PREX2: variants seen among roughly 807,000 people sequenced by gnomAD.
PREX2 encodes phosphatidylinositol-3,4,5-trisphosphate dependent Rac exchange factor 2.
PREX2 carries 107 observed loss-of-function variants against 203.2 expected under a neutral mutation model. That is an observed-to-expected ratio of 0.53 (90% CI 0.45 to 0.62). The LOEUF (loss-of-function observed/expected upper bound fraction) is 0.62, where lower values mean the gene tolerates loss of function less well. Among genes scored for constraint, PREX2 ranks in the 20% least tolerant of loss-of-function variants. The pLI is 0.00. For missense variants in PREX2, 1,777 were observed against 1,955.9 expected, an observed-to-expected ratio of 0.91 and a Z score of 1.72; for synonymous variants, 672 against 663.6, an observed-to-expected ratio of 1.01 and a Z score of -0.19.
chr8:67,961,944 G>T lies in PREX2; in HGVS notation c.141+9409G>T, dbSNP rs899820479. 2.0e-5 allele frequency among the ~76,000 whole-genome samples: 3 copies of T among 152,072 alleles called. No homozygotes were observed. In the South Asian group the frequency reaches 6.2e-4, roughly 32 times the overall value. ...AGCCCTTCATTTGAAAGGTTAAATT[G>T]TATAGTACTTAAGAAATGACTCCAT... On this transcript the variant is annotated intron_variant, in intron 1 of 39. Transcript: ENST00000288368.
At chr8:68,016,507 A>G (rs779719892) in intron 1 of PREX2, among the ~76,000 whole-genome samples, 1 of 151,904 alleles carries the variant, frequency 6.6e-6, no homozygotes, top group Admixed American at 6.6e-5. Context: ...ATTGTTTCCA[A>G]TTTTTCCATT....
At chr8:68,158,037 C>T (rs943785507) in intron 35 of PREX2, among the ~76,000 whole-genome samples, 5 of 149,702 alleles carry the variant, frequency 3.3e-5, no homozygotes, top group Non-Finnish European at 5.9e-5. Context: ...TATTTGTCAA[C>T]AAATTATTAG....
intron 8 of PREX2, among the ~76,000 whole-genome samples, chr8:68,051,437 G>GA (rs1023143743): frequency 1.3e-5 from 2 of 152,074 alleles, no homozygotes; most frequent in Non-Finnish European, 1.5e-5. Context: ...AAGACAGCCT[G>GA]AAAAAAAGCT....
chr8:68,081,208 AG>A (rs1198704236), intron 17 of PREX2, among the ~76,000 whole-genome samples: 1 of 152,152 alleles, frequency 6.6e-6, no homozygotes, highest in Non-Finnish European at 1.5e-5. Context: ...GAGTGTCATA[AG>A]GTATGGTCAA....
intron 4 of PREX2, among the ~76,000 whole-genome samples, chr8:68,025,085 C>G (rs139170477): frequency 1.8e-4 from 28 of 152,010 alleles, no homozygotes; most frequent in African/African-American, 6.3e-4. Context: ...TTTACCATCT[C>G]TGGTGCTCTT....
chr8:68,160,143 T>A (rs985511218), intron 35 of PREX2, among the ~76,000 whole-genome samples: 1 of 152,168 alleles, frequency 6.6e-6, no homozygotes. Flanking sequence ...TCAGTTAGAA[T>A]CCTGGAAGTT....
intron 37 of PREX2, among the ~76,000 whole-genome samples, chr8:68,211,201 T>A (rs1812736072): frequency 6.6e-6 from 1 of 152,168 alleles, no homozygotes; most frequent in Admixed American, 6.5e-5. Context: ...TCACAAAGAA[T>A]GTTATCAGCA....
At chr8:68,046,048 T>A (rs1353693460) in intron 8 of PREX2, among the ~76,000 whole-genome samples, 1 of 152,024 alleles carries the variant, frequency 6.6e-6, no homozygotes, top group African/African-American at 2.4e-5. Flanking sequence ...CACTAAAAAC[T>A]TCTACTCTGT....
chr8:68,178,957 TAA>T (rs1373187268), intron 35 of PREX2, among the ~76,000 whole-genome samples: 2 of 152,170 alleles, frequency 1.3e-5, no homozygotes, highest in Non-Finnish European at 2.9e-5. Flanking sequence ...AAAGTCTGAT[TAA>T]AAATTAAAAT....
rs1811575121 is a variant in PREX2, at chr8:68,158,007, G to C, written c.4346+571G>C. ...TTAACCACAGTAAGTGAAAAGAAAT[G>C]TGTTATAATTCAAAAGCTTTATTTG... On this transcript the variant is annotated intron_variant, in intron 35 of 39. Transcript: ENST00000288368. Among the ~76,000 whole-genome samples the C allele has an allele frequency of 2.0e-5, 3 of 151,338 alleles. No individual in the cohort carries two copies. In the South Asian group the frequency reaches 6.2e-4, roughly 31 times the overall value.
chr8:68,110,259 A>G (rs1278180273), intron 25 of PREX2, among the ~76,000 whole-genome samples: 1 of 152,160 alleles, frequency 6.6e-6, no homozygotes, highest in Non-Finnish European at 1.5e-5. Context: ...GCTTGGTAGG[A>G]TGGTTTGTCA....
Position 68,217,737 on chromosome 8 carries a change from T to C in PREX2, c.4707+19T>C. Reference sequence around the variant, plus strand: ...GAAGCAGGTAGGTCTCATGCAGACTTGGGAATAGTTGTTTTGTAGGCCCTG... The same window carrying C: ...GAAGCAGGTAGGTCTCATGCAGACTCGGGAATAGTTGTTTTGTAGGCCCTG... On this transcript the variant is annotated intron_variant, in intron 38 of 39. Transcript: ENST00000288368. The C allele has an allele frequency of 6.4e-7, 1 of 1,566,856 alleles. No individual in the cohort carries two copies. The highest frequency in any genetic ancestry group is 1.1e-5 in the South Asian group (1 of 89,484).
chr8:68,228,498 C>T (rs984991309), intron 39 of PREX2, among the ~76,000 whole-genome samples: 28 of 152,062 alleles, frequency 1.8e-4, no homozygotes, highest in Admixed American at 1.6e-3. Context: ...TGCATAGGCT[C>T]ACGCCTGCAA....
chr8:67,952,664 G>A (rs1462312185), intron 1 of PREX2, 129 bp downstream of exon 1: 2 of 1,298,806 alleles, frequency 1.5e-6, no homozygotes, highest in Non-Finnish European at 2.2e-6. Context: ...TCACAGGCGC[G>A]GGAATCCACG....
Position 68,099,662 on chromosome 8 carries a change from G to C in PREX2, c.2554-20G>C. Reference sequence around the variant, plus strand: ...TGTGTGTTTGTGTGTGTGGGTGTGCGTGTGTGTTTGTCATTGCAGATTCTT... The same window carrying C: ...TGTGTGTTTGTGTGTGTGGGTGTGCCTGTGTGTTTGTCATTGCAGATTCTT... On this transcript the variant is annotated intron_variant, in intron 22 of 39. Coordinates refer to ENST00000288368, the MANE Select transcript of PREX2 (RefSeq NM_024870.4). 2 of 1,609,446 alleles carry C rather than the reference G, an allele frequency of 1.2e-6. No homozygotes were observed. The highest frequency in any genetic ancestry group is 2.2e-5 in the South Asian group (2 of 90,940).
chr8:68,021,706 A>T (rs535122666), intron 3 of PREX2, among the ~76,000 whole-genome samples: 1 of 152,182 alleles, frequency 6.6e-6, no homozygotes, highest in Non-Finnish European at 1.5e-5. Context: ...AACAGCAAGA[A>T]TATGTATGTA....
Position 68,196,432 on chromosome 8 carries a change from A to G in PREX2, c.4604+3907A>G, listed in dbSNP as rs947918564. Reference sequence around the variant, plus strand: ...TTTATATATTATATATATGAATTATATATTTTTTTATATATTTAATAAAAT... The same window carrying G: ...TTTATATATTATATATATGAATTATGTATTTTTTTATATATTTAATAAAAT... On this transcript the variant is annotated intron_variant, in intron 37 of 39. Transcript: ENST00000288368. Among the ~76,000 whole-genome samples the G allele has an allele frequency of 1.1e-4, 16 of 147,120 alleles. No homozygotes were observed. The Admixed American group carries it at 1.1e-3, about 10-fold the overall frequency.
At chr8:67,974,887 G>A (rs1299221065) in intron 1 of PREX2, among the ~76,000 whole-genome samples, 1 of 152,278 alleles carries the variant, frequency 6.6e-6, no homozygotes, top group East Asian at 1.9e-4. Flanking sequence ...TTAGTTGTAA[G>A]ACCATGTAGG....
chr8:68,045,135 T>C (rs1193728538), intron 8 of PREX2, among the ~76,000 whole-genome samples: 1 of 152,064 alleles, frequency 6.6e-6, no homozygotes, highest in African/African-American at 2.4e-5. Context: ...GCTTCATAGA[T>C]TTGAAAGTGT....
Sources: allele counts gnomAD v4.1 joint callset (sites outside exome capture counted in the v4.1 genomes callset), GRCh38; gene constraint gnomAD v4.1.1; transcripts MANE v1.5; gene names NCBI Gene and HGNC (gene_info 2026-07-23, HGNC 2026-07-21).